Variants in HMGB1 observed in about 807,000 individuals in gnomAD.
HMGB1 encodes high mobility group protein B1.
For missense variants in HMGB1, 79 were observed against 253.5 expected (o/e 0.31, Z 4.67); for synonymous variants, 81 against 84.0 (o/e 0.96, Z 0.19).
At chr13:30,597,994 A>G (rs1424631925) in intron 1 of HMGB1, among the ~76,000 whole-genome samples, 1 of 152,184 alleles carries the variant, frequency 6.6e-6, no homozygotes, top group Admixed American at 6.5e-5. Flanking sequence ...ATAGCCTTAG[A>G]GTAGCTGTCC....
At position 30,566,579 on chromosome 13, in the gene HMGB1, A is replaced by G. The variant is rs114797700; in HGVS notation, c.-15+50092T>C. 2.5e-3 allele frequency among the ~76,000 whole-genome samples: 378 copies of G among 152,364 alleles called. 2 individuals carry two copies. The highest frequency in any genetic ancestry group is 8.7e-3 in the African/African-American group (362 of 41,584). On this transcript the variant is annotated intron_variant, in intron 1 of 4. Coordinates refer to the HMGB1 transcript ENST00000405805. ...CAACCATTTTTAGCCTGTAGGCCAT[A>G]TAGAAACAGGCAGTGGGCTGGGTTT...
chr13:30,582,813 T>C (rs921808153), intron 1 of HMGB1, among the ~76,000 whole-genome samples: 20 of 152,218 alleles, frequency 1.3e-4, no homozygotes, highest in African/African-American at 4.8e-4. Context: ...CCATTTCCCT[T>C]ACATCCCATA....
chr13:30,519,719 C>T (rs924969158), intron 1 of HMGB1, among the ~76,000 whole-genome samples: 1 of 150,904 alleles, frequency 6.6e-6, no homozygotes, highest in African/African-American at 2.4e-5. Context: ...AAAAAATCAA[C>T]ATAGCAGCTA....
intron 1 of HMGB1, among the ~76,000 whole-genome samples, chr13:30,583,980 GGAGA>G (rs1871032484): frequency 2.0e-5 from 3 of 151,738 alleles, no homozygotes; most frequent in African/African-American, 7.3e-5. Context: ...GCTCTGGTCT[GGAGA>G]GAGTGAGACC....
intron 1 of HMGB1, among the ~76,000 whole-genome samples, chr13:30,616,430 A>G (rs1950563325): frequency 2.0e-5 from 3 of 152,378 alleles, no homozygotes; most frequent in South Asian, 4.1e-4. Context: ...GTTTTGTTCA[A>G]TTTATGAGTT....
At chr13:30,519,880 A>G (rs1014227413) in intron 1 of HMGB1, among the ~76,000 whole-genome samples, 2 of 152,206 alleles carry the variant, frequency 1.3e-5, no homozygotes, top group South Asian at 2.1e-4. Context: ...TAATTAAACT[A>G]AACTATGAGA....
At chr13:30,465,145 G>A (rs1174395518) in intron 1 of HMGB1, 1 of 968,308 alleles carries the variant, frequency 1.0e-6, no homozygotes, top group Non-Finnish European at 1.2e-6. Flanking sequence ...CCGGGCCCGA[G>A]TCAGCCATGT....
intron 1 of HMGB1, among the ~76,000 whole-genome samples, chr13:30,558,026 T>C (rs922823381): frequency 1.3e-5 from 2 of 152,096 alleles, no homozygotes; most frequent in Non-Finnish European, 2.9e-5. Flanking sequence ...CATGCTAAAA[T>C]TGTAATGACA....
At chr13:30,591,027 CTTTTTTTTT>C (rs910554887) in intron 1 of HMGB1, among the ~76,000 whole-genome samples, 4 of 109,926 alleles carry the variant, frequency 3.6e-5, no homozygotes, top group South Asian at 5.9e-4. Context: ...GAGGCAGGGC[CTTTTTTTTT>C]TTTTTTTTTT....
rs1886036618 is a variant in HMGB1 at position 30,457,432 on chromosome 13, T to C, written c.*3925A>G. The stretch of plus-strand genomic sequence containing the variant: ...AGTGGATGCCCAATAAATTCAACTA[T>C]TTAAGCTAAGCACAGTGGTGTGTCC... On this transcript the variant is annotated 3_prime_UTR_variant, in exon 5 of 5. Coordinates refer to ENST00000341423, the MANE Select transcript of HMGB1 (RefSeq NM_002128.7). The C allele has an allele frequency of 6.6e-6, 1 of 152,234 alleles. No homozygotes were observed. Among genetic ancestry groups the C allele is most frequent in the Non-Finnish European group, 1.5e-5 (1 of 68,048 alleles). 9.4% of individuals were successfully genotyped at this position (152,234 alleles called of 1,614,324 possible).
At chr13:30,524,654 G>C (rs1396865742) in intron 1 of HMGB1, among the ~76,000 whole-genome samples, 1 of 151,754 alleles carries the variant, frequency 6.6e-6, no homozygotes, top group African/African-American at 2.4e-5. Flanking sequence ...TTGCACTCCA[G>C]CCTGGGTGAC....
chr13:30,614,393 T>A (rs1482538984), intron 1 of HMGB1, among the ~76,000 whole-genome samples: 1 of 152,214 alleles, frequency 6.6e-6, no homozygotes, highest in Non-Finnish European at 1.5e-5. Flanking sequence ...TATAAGGAAC[T>A]CTCCTTAAGA....
rs1886019351 is a variant in HMGB1 at position 30,457,007 on chromosome 13, T to C, written c.*4350A>G. 1 of 151,870 alleles carries C rather than the reference T, an allele frequency of 6.6e-6. No individual in the cohort carries two copies. The highest frequency in any genetic ancestry group is 1.5e-5 in the Non-Finnish European group (1 of 67,956). The allele number at this position is 151,870 out of a possible 1,614,324, so 9.4% of individuals were successfully genotyped here. A position where few individuals can be genotyped will look rare whatever the true frequency, so the allele number is the denominator to read the frequency against. ...CAAGTGAGATCGAAAAAAGAAAAAA[T>C]ATGTATTATGGAGCACCATACTGTG... On this transcript the variant is annotated 3_prime_UTR_variant, in exon 5 of 5. Transcript: ENST00000341423.
chr13:30,484,358 G>T (rs1045246388), intron 1 of HMGB1, among the ~76,000 whole-genome samples: 1 of 152,192 alleles, frequency 6.6e-6, no homozygotes, highest in Non-Finnish European at 1.5e-5. Context: ...TAAAGTGGGG[G>T]AAAGTAATGA....
rs1484201679 is a variant in HMGB1 at position 30,459,608 on chromosome 13, T to C, written c.*1749A>G. ...GTTTTTAAAAATCTTGTTTAAATCA[T>C]TCTGAAAGTAAAACTAGTTTTTCCT... is the stretch of plus-strand genomic sequence containing the variant. On this transcript the variant is annotated 3_prime_UTR_variant, in exon 5 of 5. Transcript: ENST00000341423. 1 of 152,206 alleles carries C rather than the reference T, an allele frequency of 6.6e-6. No homozygotes were observed. Among genetic ancestry groups the C allele is most frequent in the African/African-American group, 2.4e-5 (1 of 41,466 alleles). The allele number at this position is 152,206 out of a possible 1,614,324, so 9.4% of individuals were successfully genotyped here.
At chr13:30,562,249 G>T (rs1008991760) in intron 1 of HMGB1, among the ~76,000 whole-genome samples, 2 of 150,460 alleles carry the variant, frequency 1.3e-5, no homozygotes, top group African/African-American at 4.9e-5. Flanking sequence ...GTGAGCCAAG[G>T]TCGCACCACT....
chr13:30,489,881 T>C (rs181296557), intron 1 of HMGB1, among the ~76,000 whole-genome samples: 157 of 152,084 alleles, frequency 1.0e-3, no homozygotes, highest in African/African-American at 3.7e-3. Flanking sequence ...ATTACAGGCA[T>C]GCACCACCAT....
chr13:30,552,601 A>T (rs1869479476), intron 1 of HMGB1, among the ~76,000 whole-genome samples: 1 of 152,110 alleles, frequency 6.6e-6, no homozygotes, highest in Admixed American at 6.5e-5. Context: ...ACACACTATC[A>T]TATTGTCTAT....
At chr13:30,570,994 T>C (rs1593318567) in intron 1 of HMGB1, among the ~76,000 whole-genome samples, 1 of 152,246 alleles carries the variant, frequency 6.6e-6, no homozygotes, top group African/African-American at 2.4e-5. Flanking sequence ...AATAGTATCA[T>C]AGGCCTTTTA....
Sources: gnomAD v4.1 joint callset for allele counts (sites outside exome capture counted in the v4.1 genomes callset) on GRCh38, gnomAD v4.1.1 for gene constraint, MANE v1.5 for transcripts, NCBI Gene and HGNC (gene_info 2026-07-23, HGNC 2026-07-21) for gene names.